The following BLTP3A variants were observed in gnomAD, a reference collection of about 807,000 sequenced individuals.
BLTP3A encodes the protein bridge-like lipid transfer protein family member 3A.
At chr6:34,817,883 T>C in the BLTP3A span, among the ~76,000 whole-genome samples, 1 of 149,768 alleles carries the variant, frequency 6.7e-6, no homozygotes, top group African/African-American at 2.5e-5. Flanking sequence ...GGGTGGAGTC[T>C]CGCTCTGTCG....
chr6:34,866,403 C>CA, the BLTP3A span, among the ~76,000 whole-genome samples: 6 of 143,348 alleles, frequency 4.2e-5, no homozygotes, highest in African/African-American at 7.7e-5. Flanking sequence ...TATTCCATCT[C>CA]AAAAAAAAGA....
chr6:34,798,594 C>CTTTTTTTTTTTTTTTTTTT, the BLTP3A span, among the ~76,000 whole-genome samples: 16 of 94,492 alleles, frequency 1.7e-4, no homozygotes, highest in African/African-American at 5.8e-4. Context: ...TTCTTTCTTT[C>CTTTTTTTTTTTTTTTTTTT]TTTTTTTTTT....
At chr6:34,803,652 T>A in the BLTP3A span, among the ~76,000 whole-genome samples, 1 of 152,222 alleles carries the variant, frequency 6.6e-6, no homozygotes, top group Non-Finnish European at 1.5e-5. Flanking sequence ...CTTTCACAGC[T>A]TCTGAATCCA....
At chr6:34,857,047 T>A in the BLTP3A span, 3 of 1,325,474 alleles carry the variant, frequency 2.3e-6, no homozygotes, top group Non-Finnish European at 3.1e-6. Context: ...TCTGGGAAGA[T>A]TAATAGTTTG....
chr6:34,866,388 G>A, the BLTP3A span, among the ~76,000 whole-genome samples: 3 of 151,226 alleles, frequency 2.0e-5, no homozygotes, highest in African/African-American at 2.4e-5. Flanking sequence ...GCGACAGAGC[G>A]AGACTATTCC....
chr6:34,844,379 A>G, the BLTP3A span, among the ~76,000 whole-genome samples: 2 of 152,164 alleles, frequency 1.3e-5, no homozygotes, highest in African/African-American at 4.8e-5. Flanking sequence ...GGTTCAAGCA[A>G]TTCTCATGCC....
the BLTP3A span, chr6:34,857,240 G>T: frequency 6.8e-7 from 1 of 1,468,678 alleles, no homozygotes; most frequent in East Asian, 2.3e-5. Flanking sequence ...ACTTCAGAGG[G>T]ATGGTAGAGG....
the BLTP3A span, chr6:34,855,725 G>T: frequency 1.2e-6 from 2 of 1,612,470 alleles, no homozygotes; most frequent in African/African-American, 2.7e-5. Context: ...TCTGAATGGG[G>T]CCAATTCTCG....
the BLTP3A span, among the ~76,000 whole-genome samples, chr6:34,840,418 T>C: frequency 7.1e-6 from 1 of 141,056 alleles, no homozygotes; most frequent in African/African-American, 2.7e-5. Context: ...ATACAAAAAT[T>C]AGCTGGGCGT....
At chr6:34,827,878 C>T in the BLTP3A span, among the ~76,000 whole-genome samples, 4 of 152,096 alleles carry the variant, frequency 2.6e-5, no homozygotes, top group African/African-American at 7.2e-5. Context: ...GTGATCCACC[C>T]GCCTTGGCCT....
chr6:34,804,535 G>A, the BLTP3A span, among the ~76,000 whole-genome samples: 3 of 152,196 alleles, frequency 2.0e-5, no homozygotes, highest in Middle Eastern at 3.4e-3. Context: ...AGAGGGAGCC[G>A]CATGAACAAT....
the BLTP3A span, among the ~76,000 whole-genome samples, chr6:34,861,494 G>C: frequency 6.6e-6 from 1 of 152,282 alleles, no homozygotes; most frequent in East Asian, 1.9e-4. Flanking sequence ...GGAAATAAGA[G>C]AGTAAAGAAG....
chr6:34,856,969 A>G, the BLTP3A span: 1 of 1,596,886 alleles, frequency 6.3e-7, no homozygotes. Context: ...GAGGTGGAGC[A>G]GTTTACTTGG....
At chr6:34,837,283 T>A in the BLTP3A span, among the ~76,000 whole-genome samples, 1 of 152,326 alleles carries the variant, frequency 6.6e-6, no homozygotes, top group East Asian at 1.9e-4. Flanking sequence ...GGCTCATGAC[T>A]GTAATCTCAA....
chr6:34,820,814 A>ATTTTTTTTTTT, the BLTP3A span, among the ~76,000 whole-genome samples: 3 of 102,814 alleles, frequency 2.9e-5, 1 homozygote, highest in African/African-American at 1.5e-4. Context: ...ACCATGCCTA[A>ATTTTTTTTTTT]TTTTTTTTTT....
chr6:34,836,426 T>C, the BLTP3A span: 3 of 1,395,842 alleles, frequency 2.1e-6, no homozygotes, highest in Admixed American at 2.0e-5. Flanking sequence ...GGATGAAGGC[T>C]CTTTTCAGAA....
At chr6:34,875,950 G>C in the BLTP3A span, 1 of 152,488 alleles carries the variant, frequency 6.6e-6, no homozygotes, top group Non-Finnish European at 1.5e-5. Flanking sequence ...AAAATGTCTG[G>C]AGAGATAGCA....
the BLTP3A span, among the ~76,000 whole-genome samples, chr6:34,809,329 G>A: frequency 6.6e-6 from 1 of 152,122 alleles, no homozygotes; most frequent in Admixed American, 6.5e-5. Flanking sequence ...GGAGGTTGAG[G>A]CTGCAGTGAG....
chr6:34,808,585 CT>C, the BLTP3A span, among the ~76,000 whole-genome samples: 22,181 of 147,308 alleles, frequency 0.15, 1,966 homozygotes, highest in African/African-American at 0.25. Context: ...TTATGAACAC[CT>C]TTTTTTTTTT....
Sources: gnomAD v4.1 joint callset for allele counts (sites outside exome capture counted in the v4.1 genomes callset) on GRCh38, gnomAD v4.1.1 for gene constraint, MANE v1.5 for transcripts, NCBI Gene and HGNC (gene_info 2026-07-23, HGNC 2026-07-21) for gene names.